Variants in TTI2 observed in about 807,000 individuals in gnomAD.
TTI2 encodes TELO2 interacting protein 2.
TTI2 carries 26 observed loss-of-function variants against 44.9 expected under a neutral mutation model. The observed-to-expected ratio is 0.58, with a 90% CI of 0.42 to 0.80. The LOEUF is 0.80. Among genes scored for constraint, TTI2 ranks in the 30% least tolerant of loss-of-function variants. TTI2 has a pLI of 0.00. For synonymous variants in TTI2, 254 were observed against 250.9 expected, an observed-to-expected ratio of 1.01 and a Z score of -0.12; for missense variants, 582 against 611.6, an observed-to-expected ratio of 0.95 and a Z score of 0.51.
In TTI2 at chr8:33,499,170, G is replaced by A. The variant is rs1248348179; in HGVS notation, c.*3C>T. On this transcript the variant is annotated 3_prime_UTR_variant, in exon 8 of 8. Transcript: ENST00000431156. Reference sequence around the variant, plus strand: ...CTTTCCTCTTGGGAAAGTAATACAAGTCTTAAGTTCCATTGTAGGGTGCGC... The same window carrying A: ...CTTTCCTCTTGGGAAAGTAATACAAATCTTAAGTTCCATTGTAGGGTGCGC... 9 of 1,609,028 alleles carry A rather than the reference G, an allele frequency of 5.6e-6. No individual in the cohort carries two copies. Among genetic ancestry groups the A allele is most frequent in the Non-Finnish European group, 7.7e-6 (9 of 1,175,390 alleles).
chr8:33,511,439 C>A (rs1265515697), intron 2 of TTI2, among the ~76,000 whole-genome samples: 1 of 152,078 alleles, frequency 6.6e-6, no homozygotes, highest in Non-Finnish European at 1.5e-5. Flanking sequence ...GACAACTGAG[C>A]CCGAACATCT....
chr8:33,503,141 A>AC (rs71784947), intron 6 of TTI2, among the ~76,000 whole-genome samples: 4 of 28,604 alleles, frequency 1.4e-4, no homozygotes, highest in African/African-American at 3.1e-4. Context: ...AAAAAAAAAA[A>AC]AAAAAAACAA....
In TTI2 at chr8:33,512,284, G is replaced by C. The variant is rs369659564; in HGVS notation, c.330C>G (p.Ala110=). 2 of 1,614,094 alleles carry C rather than the reference G, an allele frequency of 1.2e-6. No individual in the cohort carries two copies. Among genetic ancestry groups the C allele is most frequent in the South Asian group, 2.2e-5 (2 of 91,080 alleles). ...GTAACCCAACTTGGGCTGCTTTCTC[G>C]GCCGCTTCGGAGTGCCCATCACCTC... ...EGGGDGHSEA[A]EKAAQVGLLF... is the part of the protein sequence containing the mutation. The change falls in exon 2 of 8, where the codon GCC becomes GCG. Residue 110 remains alanine (A), a synonymous_variant. Coordinates refer to ENST00000431156, the MANE Select transcript of TTI2 (RefSeq NM_001102401.4).
chr8:33,502,230 C>T (rs746128740), intron 6 of TTI2, among the ~76,000 whole-genome samples: 3 of 152,152 alleles, frequency 2.0e-5, no homozygotes, highest in South Asian at 4.1e-4. Flanking sequence ...AGGCGTGAGC[C>T]ACCGCACCTG....
At chr8:33,509,957 TAA>T in intron 2 of TTI2, 25 bp from the exon 3 acceptor site, 1 of 1,370,550 alleles carries the variant, frequency 7.3e-7, no homozygotes, top group Non-Finnish European at 1.0e-6. Flanking sequence ...AGAATTACAT[TAA>T]GTGACATGGT....
At chr8:33,506,405 T>C in intron 4 of TTI2, among the ~76,000 whole-genome samples, 1 of 150,010 alleles carries the variant, frequency 6.7e-6, no homozygotes. Flanking sequence ...TTTTTTTTTT[T>C]TTTTGAGATG....
chr8:33,507,447 G>T (rs1446158496), intron 3 of TTI2, 126 bp from the exon 4 acceptor site: 4 of 795,988 alleles, frequency 5.0e-6, no homozygotes, highest in Non-Finnish European at 8.7e-6. Context: ...ATGCATGATT[G>T]TTTCGAGTTG....
chr8:33,499,313 T>C (rs561419398), intron 7 of TTI2, 36 bp from the exon 8 acceptor site: 12 of 1,466,576 alleles, frequency 8.2e-6, no homozygotes, highest in Non-Finnish European at 1.1e-5. Flanking sequence ...TGATATTTTT[T>C]TTTTTTTAAT....
chr8:33,505,485 C>CTTTTTTTTTTTTT (rs11446015), intron 4 of TTI2, among the ~76,000 whole-genome samples: 7 of 146,928 alleles, frequency 4.8e-5, no homozygotes, highest in Non-Finnish European at 3.0e-5. Flanking sequence ...GCCACTGCAC[C>CTTTTTTTTTTTTT]TTTTTTTTTT....
At chr8:33,506,386 G>A (rs7841938) in intron 4 of TTI2, among the ~76,000 whole-genome samples, 7,000 of 138,656 alleles carry the variant, frequency 0.05, 269 homozygotes, top group African/African-American at 0.11. Context: ...CCAAAGTAAC[G>A]TACTTTTTTT....
intron 4 of TTI2, among the ~76,000 whole-genome samples, chr8:33,506,772 A>T (rs544101562): frequency 5.9e-5 from 9 of 151,458 alleles, no homozygotes; most frequent in Non-Finnish European, 1.3e-4. Context: ...AGCTCACTGC[A>T]ACCTCCGCCA....
chr8:33,501,853 G>A (rs1372168212), intron 6 of TTI2, among the ~76,000 whole-genome samples: 1 of 152,158 alleles, frequency 6.6e-6, no homozygotes, highest in Non-Finnish European at 1.5e-5. Context: ...CACAGTTTGG[G>A]TTCCAGTTCC....
In TTI2 at chr8:33,512,241, C is replaced by G; in HGVS notation, c.373G>C (p.Gly125Arg). Residue 125 changes from glycine to arginine, a missense_variant, in exon 2 of 8, where the codon GGG (glycine) becomes CGG (arginine). Physicochemically the swap from Gly to Arg is moderately radical, Grantham distance 125 (BLOSUM62 -2). Transcript: ENST00000431156. ...GAATTCTTAGCAGTCTCAACTTTCC[C>G]TAACAGTTTAAGAAACAGTAACCCA... Reference protein sequence around the residue: ...QVGLLFLKLLGKVETAKNSLV... With the variant: ...QVGLLFLKLLRKVETAKNSLV... The G allele has an allele frequency of 6.2e-7, 1 of 1,614,216 alleles. No individual in the cohort carries two copies. The highest frequency in any genetic ancestry group is 8.5e-7 in the Non-Finnish European group (1 of 1,180,030).
chr8:33,504,823 T>C (rs114409914), intron 4 of TTI2, among the ~76,000 whole-genome samples: 1,752 of 152,284 alleles, frequency 0.012, 38 homozygotes, highest in African/African-American at 0.04. Flanking sequence ...GTTTTTCTCT[T>C]GGTGTTTTGG....
chr8:33,512,747 T>G, intron 1 of TTI2, 35 bp from the exon 2 acceptor site: 1 of 1,033,086 alleles, frequency 9.7e-7, no homozygotes, highest in Non-Finnish European at 1.4e-6. Flanking sequence ...AGAGATGTCT[T>G]GGAGGAGGGG....
intron 4 of TTI2, among the ~76,000 whole-genome samples, chr8:33,505,330 T>C (rs1393908766): frequency 6.6e-6 from 1 of 152,162 alleles, no homozygotes; most frequent in Non-Finnish European, 1.5e-5. Context: ...TCTCATTTTA[T>C]ATAACTTGTT....
At chr8:33,506,084 C>T (rs1353389710) in intron 4 of TTI2, among the ~76,000 whole-genome samples, 1 of 152,052 alleles carries the variant, frequency 6.6e-6, no homozygotes, top group Non-Finnish European at 1.5e-5. Context: ...CGCGCCTGGC[C>T]ACCCACTGCG....
intron 5 of TTI2, 72 bp downstream of exon 5, chr8:33,503,676 G>A (rs183122368): frequency 6.2e-4 from 1,004 of 1,607,610 alleles, no homozygotes; most frequent in Non-Finnish European, 7.6e-4. Context: ...CCAGGAGCTC[G>A]AGAGCAGCTC....
At chr8:33,512,800 G>C in intron 1 of TTI2, 88 bp from the exon 2 acceptor site, 1 of 629,440 alleles carries the variant, frequency 1.6e-6, no homozygotes, top group Non-Finnish European at 2.6e-6. Context: ...GGGTGAACCC[G>C]GGAGGCGGAG....
Sources: allele counts gnomAD v4.1 joint callset (sites outside exome capture counted in the v4.1 genomes callset), GRCh38; gene constraint gnomAD v4.1.1; transcripts MANE v1.5; gene names NCBI Gene and HGNC (gene_info 2026-07-23, HGNC 2026-07-21).